The following EYS variants were observed in gnomAD, a reference collection of about 807,000 sequenced individuals.
The protein encoded by EYS is EGF-like photoreceptor maintenance factor.
Under a neutral mutation model 282.1 loss-of-function variants are expected in EYS, and 250 were observed. That is an observed-to-expected ratio of 0.89 (90% CI 0.80 to 0.98). EYS has a LOEUF of 0.98. EYS is among the 50% of genes least tolerant of loss of function. EYS has a pLI of 0.00. For missense variants in EYS, 4,016 were observed against 3,709.0 expected (o/e 1.08, Z -2.15); for synonymous variants, 1,355 against 1,282.9 (o/e 1.06, Z -1.20).
At chr6:65,565,561 C>T (rs769351058) in intron 2 of EYS, among the ~76,000 whole-genome samples, 1 of 151,892 alleles carries the variant, frequency 6.6e-6, no homozygotes, top group African/African-American at 2.4e-5. Flanking sequence ...GGATCTAGAA[C>T]CAGAAATACC....
Position 65,096,044 on chromosome 6 carries a change from A to T in EYS, c.2024-38317T>A, listed in dbSNP as rs538683119. The stretch of plus-strand genomic sequence containing the variant: ...AGATGACAGGGTCTCATATGTAGAA[A>T]ACCCTAATGATCCCCCAAAAATCTG... On this transcript the variant is annotated intron_variant, in intron 12 of 42. Transcript: ENST00000503581. 2.6e-5 allele frequency among the ~76,000 whole-genome samples: 4 copies of T among 151,164 alleles called. No homozygotes were observed. In the South Asian group the frequency reaches 8.3e-4, roughly 31 times the overall value.
intron 36 of EYS, among the ~76,000 whole-genome samples, chr6:63,820,291 T>A (rs552822952): frequency 2.4e-4 from 36 of 152,316 alleles, no homozygotes; most frequent in African/African-American, 8.4e-4. Context: ...TGTCTGTTCA[T>A]ATGCTTTACT....
chr6:64,414,270 C>G (rs1773996056), intron 28 of EYS, among the ~76,000 whole-genome samples: 1 of 152,056 alleles, frequency 6.6e-6, no homozygotes, highest in South Asian at 2.1e-4. Flanking sequence ...CATAGGAACA[C>G]AGGATGCTAG....
intron 5 of EYS, among the ~76,000 whole-genome samples, chr6:65,455,495 A>AT (rs1471862519): frequency 6.6e-6 from 1 of 152,168 alleles, no homozygotes; most frequent in Admixed American, 6.5e-5. Flanking sequence ...AAAAGATAAA[A>AT]TTCACAAATC....
intron 29 of EYS, among the ~76,000 whole-genome samples, chr6:64,361,144 T>G (rs370077519): frequency 6.6e-6 from 1 of 151,880 alleles, no homozygotes; most frequent in East Asian, 2.0e-4. Flanking sequence ...ATCACATCAC[T>G]GTGCTAAGAA....
chr6:64,110,878 T>G (rs776412406), intron 31 of EYS, among the ~76,000 whole-genome samples: 2 of 151,938 alleles, frequency 1.3e-5, no homozygotes, highest in Non-Finnish European at 2.9e-5. Flanking sequence ...CTCAGTTGTG[T>G]AAAGTTTCTA....
intron 22 of EYS, among the ~76,000 whole-genome samples, chr6:64,751,053 G>A (rs1772730916): frequency 1.3e-5 from 2 of 152,024 alleles, no homozygotes; most frequent in African/African-American, 2.4e-5. Context: ...TGATGCAGTG[G>A]CAGTTTTCAT....
intron 1 of EYS, among the ~76,000 whole-genome samples, chr6:65,700,121 A>AAAAAAAAAC (rs1426856810): frequency 2.0e-5 from 3 of 149,058 alleles, no homozygotes; most frequent in Non-Finnish European, 4.5e-5. Context: ...TCTCAAAAAA[A>AAAAAAAAAC]AAAAAAAAAA....
chr6:64,443,047 T>C (rs991665493), intron 26 of EYS, among the ~76,000 whole-genome samples: 3 of 152,072 alleles, frequency 2.0e-5, no homozygotes, highest in Non-Finnish European at 4.4e-5. Flanking sequence ...CCACAGACAC[T>C]CAACGCCAGC....
intron 22 of EYS, among the ~76,000 whole-genome samples, chr6:64,666,262 C>A (rs1351313639): frequency 1.3e-5 from 2 of 152,170 alleles, no homozygotes; most frequent in African/African-American, 4.8e-5. Context: ...AAACAAAACA[C>A]AAAACCTGTA....
chr6:63,886,442 G>A (rs1157314750), intron 35 of EYS, among the ~76,000 whole-genome samples: 1 of 151,562 alleles, frequency 6.6e-6, no homozygotes, highest in African/African-American at 2.4e-5. Context: ...ATGTGTGGCT[G>A]CATTCCAAAA....
chr6:64,717,887 A>G (rs1194124445), intron 22 of EYS, among the ~76,000 whole-genome samples: 1 of 152,170 alleles, frequency 6.6e-6, no homozygotes, highest in African/African-American at 2.4e-5. Flanking sequence ...ATTATGATAC[A>G]TATTAAAATT....
intron 22 of EYS, among the ~76,000 whole-genome samples, chr6:64,796,839 G>A (rs1774369406): frequency 6.6e-6 from 1 of 152,138 alleles, no homozygotes; most frequent in Non-Finnish European, 1.5e-5. Context: ...AGATGTGTGA[G>A]AGATACCAAA....
At chr6:65,473,901 GA>G (rs1765306608) in intron 5 of EYS, among the ~76,000 whole-genome samples, 1 of 151,734 alleles carries the variant, frequency 6.6e-6, no homozygotes, top group Admixed American at 6.6e-5. Flanking sequence ...GAACTAGAAG[GA>G]TAACAAGGCC....
chr6:63,737,921 T>C (rs1322071636), intron 41 of EYS, among the ~76,000 whole-genome samples: 4 of 152,032 alleles, frequency 2.6e-5, no homozygotes, highest in Middle Eastern at 3.4e-3. Flanking sequence ...AAAAAGTGGG[T>C]GAAGGACATG....
intron 30 of EYS, among the ~76,000 whole-genome samples, chr6:64,251,164 G>C (rs1174783217): frequency 6.6e-6 from 1 of 152,158 alleles, no homozygotes; most frequent in African/African-American, 2.4e-5. Flanking sequence ...CAGGACAATA[G>C]AGATAGTCTA....
chr6:64,878,559 G>A (rs1478949250), intron 19 of EYS, among the ~76,000 whole-genome samples: 1 of 152,114 alleles, frequency 6.6e-6, no homozygotes, highest in Admixed American at 6.6e-5. Context: ...GCTTTCTTGA[G>A]ATTTGTGGTC....
chr6:63,926,706 A>G (rs1176214745), intron 35 of EYS, among the ~76,000 whole-genome samples: 1 of 152,194 alleles, frequency 6.6e-6, no homozygotes, highest in African/African-American at 2.4e-5. Flanking sequence ...CTTCACAGTA[A>G]TAGTCATGGA....
At chr6:63,952,702 A>G (rs1582021687) in intron 35 of EYS, among the ~76,000 whole-genome samples, 1 of 151,866 alleles carries the variant, frequency 6.6e-6, no homozygotes, top group Non-Finnish European at 1.5e-5. Flanking sequence ...GCCACACCTC[A>G]TTGCTGCCCT....
Sources: allele counts gnomAD v4.1 joint callset (sites outside exome capture counted in the v4.1 genomes callset), GRCh38; gene constraint gnomAD v4.1.1; transcripts MANE v1.5; gene names NCBI Gene and HGNC (gene_info 2026-07-23, HGNC 2026-07-21).